The following DNAJC6 variants were observed in gnomAD, a reference collection of about 807,000 sequenced individuals.
DNAJC6 encodes auxilin.
Under a neutral mutation model 110.0 loss-of-function variants are expected in DNAJC6, and 34 were observed. The ratio of observed to expected loss-of-function variants is 0.31; its 90% CI spans 0.24 to 0.41. The LOEUF is 0.41. Ranked by LOEUF, DNAJC6 falls within the 10% of genes least tolerant of loss-of-function variation. The pLI is 1.00. For synonymous variants in DNAJC6, 406 were observed against 437.2 expected, an observed-to-expected ratio of 0.93 and a Z score of 0.89; for missense variants, 1,031 against 1,207.8, an observed-to-expected ratio of 0.85 and a Z score of 2.17.
intron 1 of DNAJC6, among the ~76,000 whole-genome samples, chr1:65,325,492 T>C (rs910382228): frequency 1.3e-5 from 2 of 152,192 alleles, no homozygotes; most frequent in African/African-American, 4.8e-5. Flanking sequence ...ATGATTAAAA[T>C]GTTGATGAAC....
At chr1:65,302,296 A>G (rs1438447720) in intron 1 of DNAJC6, among the ~76,000 whole-genome samples, 1 of 117,106 alleles carries the variant, frequency 8.5e-6, no homozygotes, top group Non-Finnish European at 1.7e-5. Flanking sequence ...TATATAATAT[A>G]TATAATATAT....
chr1:65,371,285 GTTC>G (rs1645703251), intron 4 of DNAJC6, among the ~76,000 whole-genome samples: 1 of 152,134 alleles, frequency 6.6e-6, no homozygotes, highest in African/African-American at 2.4e-5. Context: ...CATCTCAGCT[GTTC>G]TTCTTCCTGG....
intron 3 of DNAJC6, 28 bp downstream of exon 3, chr1:65,365,962 C>G: frequency 6.2e-7 from 1 of 1,613,048 alleles, no homozygotes. Context: ...ATTAACAGTC[C>G]TTTGGCTCAG....
At chr1:65,388,981 A>T (rs377674402) in intron 9 of DNAJC6, among the ~76,000 whole-genome samples, 10 of 152,178 alleles carry the variant, frequency 6.6e-5, no homozygotes, top group Admixed American at 3.9e-4. Flanking sequence ...TTAATAATGG[A>T]TTTTGCCGTG....
intron 4 of DNAJC6, among the ~76,000 whole-genome samples, chr1:65,372,089 G>A (rs1645711506): frequency 6.6e-6 from 1 of 151,550 alleles, no homozygotes. Context: ...AGCCTATTGT[G>A]CTAAGAATAA....
At chr1:65,398,410 T>C (rs1645999369) in intron 13 of DNAJC6, among the ~76,000 whole-genome samples, 1 of 152,202 alleles carries the variant, frequency 6.6e-6, no homozygotes, top group South Asian at 2.1e-4. Context: ...TTCCCCCTTT[T>C]CTTATTGCAC....
At chr1:65,331,585 G>T (rs1229036290) in intron 1 of DNAJC6, among the ~76,000 whole-genome samples, 1 of 152,186 alleles carries the variant, frequency 6.6e-6, no homozygotes, top group Non-Finnish European at 1.5e-5. Flanking sequence ...TGCCCACTCA[G>T]TTTGATGCCA....
intron 1 of DNAJC6, among the ~76,000 whole-genome samples, chr1:65,361,416 G>T (rs972795509): frequency 6.6e-6 from 1 of 152,170 alleles, no homozygotes; most frequent in African/African-American, 2.4e-5. Context: ...GATCAGGATG[G>T]AAGAACATGA....
chr1:65,325,596 C>T (rs1285923067), intron 1 of DNAJC6, among the ~76,000 whole-genome samples: 1 of 152,154 alleles, frequency 6.6e-6, no homozygotes, highest in African/African-American at 2.4e-5. Flanking sequence ...AATCTTGGAG[C>T]CTTATGGATT....
At chr1:65,339,670 G>A (rs1326190251) in intron 1 of DNAJC6, among the ~76,000 whole-genome samples, 3 of 152,132 alleles carry the variant, frequency 2.0e-5, no homozygotes, top group South Asian at 4.1e-4. Context: ...GAGTTTGCAG[G>A]CAATGTGCAT....
At position 65,303,093 on chromosome 1, in the gene DNAJC6, G is replaced by A. The variant is rs114185982; in HGVS notation, c.-131+38161G>A. Reference sequence around the variant, plus strand: ...AGGATAAGTTAAATGTTAGCAAATGGAAATGTGTTTTTTAAGTGAGCTCAT... The same window carrying A: ...AGGATAAGTTAAATGTTAGCAAATGAAAATGTGTTTTTTAAGTGAGCTCAT... On this transcript the variant is annotated intron_variant, in intron 1 of 19. Transcript: ENST00000263441. 4.8e-3 allele frequency among the ~76,000 whole-genome samples: 724 copies of A among 152,310 alleles called. 9 individuals carry two copies. Among genetic ancestry groups the A allele is most frequent in the African/African-American group, 0.017 (690 of 41,556 alleles).
At chr1:65,310,014 C>G (rs752920472) in intron 1 of DNAJC6, 76 bp downstream of exon 1, 30 of 1,370,950 alleles carry the variant, frequency 2.2e-5, no homozygotes, top group Admixed American at 3.6e-5. Context: ...GGCCCGAGGC[C>G]CCCCCGTGGT....
intron 1 of DNAJC6, among the ~76,000 whole-genome samples, chr1:65,349,091 AAT>A (rs373586825): frequency 2.9e-5 from 4 of 135,852 alleles, no homozygotes; most frequent in East Asian, 2.0e-4. Context: ...TATATATGTA[AAT>A]ATATATATAA....
intron 13 of DNAJC6, among the ~76,000 whole-genome samples, chr1:65,397,713 C>T (rs1040647644): frequency 1.3e-5 from 2 of 152,038 alleles, no homozygotes; most frequent in South Asian, 2.1e-4. Flanking sequence ...CTAGCAAAAC[C>T]GTCTAACTTC....
At chr1:65,307,012 CTCTCTCTATATATATA>C (rs1260030877), upstream of DNAJC6, among the ~76,000 whole-genome samples, 8 of 80,028 alleles carry the variant, frequency 1.0e-4, no homozygotes, top group African/African-American at 4.3e-4. Flanking sequence ...CTCTCTCTCT[CTCTCTCTATATATATA>C]TATATATATA....
In DNAJC6 at chr1:65,300,167, C is replaced by T. The variant is rs1644965866; in HGVS notation, c.-131+35235C>T. The stretch of plus-strand genomic sequence containing the variant: ...CAAAATAACAGTGGCAAAATAATAA[C>T]TAAGTAGTTTGTTTTTCTCTCACCT... On this transcript the variant is annotated intron_variant, in intron 1 of 19. Transcript: ENST00000263441. Among the ~76,000 whole-genome samples the T allele has an allele frequency of 2.0e-5, 3 of 151,554 alleles. No homozygotes were observed. In the South Asian group the frequency reaches 6.3e-4, roughly 32 times the overall value.
rs1251513702 is a variant in DNAJC6 at position 65,319,604 on chromosome 1, T to TC, written c.193+9666_193+9667insC. ...AAGATGATTATTGAAACCAGAATTT[T>TC]TTTTCAGAATTCTCTGGAAAAAATA... On this transcript the variant is annotated intron_variant, in intron 1 of 18. Transcript: ENST00000371069. Among the ~76,000 whole-genome samples the TC allele has an allele frequency of 2.7e-5, 4 of 150,082 alleles. No homozygotes were observed. In the East Asian group the frequency reaches 5.9e-4, roughly 22 times the overall value.
chr1:65,291,208 T>C (rs970184822), intron 1 of DNAJC6, among the ~76,000 whole-genome samples: 29 of 152,170 alleles, frequency 1.9e-4, no homozygotes, highest in Admixed American at 3.9e-4. Flanking sequence ...AATTTTTGTA[T>C]TTTTATTAGA....
Position 65,392,686 on chromosome 1 carries a change from C to T in DNAJC6, c.1724C>T (p.Pro575Leu). ...SNSFSPPAAP[P>L]TNSELLSDLF... is the part of the protein sequence containing the mutation. ...AGCTTCTCTCCGCCAGCGGCTCCTC[C>T]CACCAATTCTGAACTACTGAGTGAC... The change falls in exon 12 of 19, where the codon CCC (proline) becomes CTC (leucine). Residue 575 changes from proline (P) to leucine (L), a missense_variant. Pro to Leu is a moderately conservative substitution (Grantham distance 98). Transcript: ENST00000371069. 1 of 1,612,732 alleles carries T rather than the reference C, an allele frequency of 6.2e-7. No individual in the cohort carries two copies. Among genetic ancestry groups the T allele is most frequent in the Non-Finnish European group, 8.5e-7 (1 of 1,179,392 alleles).
Sources: allele counts gnomAD v4.1 joint callset (sites outside exome capture counted in the v4.1 genomes callset), GRCh38; gene constraint gnomAD v4.1.1; transcripts MANE v1.5; gene names NCBI Gene and HGNC (gene_info 2026-07-23, HGNC 2026-07-21).